ZFPM1: variants seen among roughly 807,000 people sequenced by gnomAD.
ZFPM1 encodes the protein zinc finger protein, FOG family member 1.
Under a neutral mutation model 46.3 loss-of-function variants are expected in ZFPM1, and 28 were observed. The ratio of observed to expected loss-of-function variants is 0.60; its 90% CI spans 0.45 to 0.83. The LOEUF is 0.83. Ranked by LOEUF, ZFPM1 falls within the 40% of genes least tolerant of loss-of-function variation. The probability of loss-of-function intolerance (pLI) is 0.00; values close to 1 mark genes in which losing one functional copy is unlikely to be tolerated. For synonymous variants in ZFPM1, 957 were observed against 675.9 expected, an observed-to-expected ratio of 1.42 and a Z score of -6.45; for missense variants, 1,878 against 1,432.4, an observed-to-expected ratio of 1.31 and a Z score of -5.02.
At chr16:88,472,354 C>CTTT (rs761646874) in intron 1 of ZFPM1, among the ~76,000 whole-genome samples, 5 of 133,386 alleles carry the variant, frequency 3.7e-5, no homozygotes, top group Non-Finnish European at 8.1e-5. Flanking sequence ...TTTGAATTTT[C>CTTT]TTTTTTTTTT....
chr16:88,483,359 G>A (rs984113831), intron 1 of ZFPM1, among the ~76,000 whole-genome samples: 4 of 151,756 alleles, frequency 2.6e-5, no homozygotes, highest in Admixed American at 2.0e-4. Flanking sequence ...AGGTCAGCAC[G>A]GCCAGGACCC....
At chr16:88,472,182 A>G (rs1228575579) in intron 1 of ZFPM1, among the ~76,000 whole-genome samples, 3 of 152,058 alleles carry the variant, frequency 2.0e-5, no homozygotes, top group African/African-American at 7.2e-5. Context: ...CACACCCACA[A>G]GTGGCTGGAG....
At chr16:88,532,966 C>T (rs1272312762) in intron 9 of ZFPM1, 31 bp downstream of exon 9, 9 of 1,611,222 alleles carry the variant, frequency 5.6e-6, no homozygotes, top group African/African-American at 1.3e-5. Context: ...CACCCCTGCC[C>T]CTTAGGCCCC....
chr16:88,530,247 C>T (rs997495561), intron 6 of ZFPM1, among the ~76,000 whole-genome samples: 4 of 152,160 alleles, frequency 2.6e-5, no homozygotes, highest in African/African-American at 9.7e-5. Context: ...GTCCCGTCCT[C>T]CAGCAGGGTC....
At position 88,534,448 on chromosome 16, in the gene ZFPM1, G is replaced by T; in HGVS notation, c.2490G>T (p.Glu830Asp). Residue 830 changes from glutamate (E) to aspartate (D), a missense_variant, in exon 10 of 10, where the codon GAG becomes GAT. By Grantham distance (45) the Glu-to-Asp change is conservative. Coordinates refer to ENST00000319555, the MANE Select transcript of ZFPM1 (RefSeq NM_153813.3). ...TACRVSFHSLEAYLAHKKYSC... is the reference protein window; with the variant it reads ...TACRVSFHSLDAYLAHKKYSC... ...GCCGCGTGAGCTTCCACAGCCTCGAGGCCTACCTGGCGCACAAGAAGTACT... is the reference window on the plus strand; with the variant it reads ...GCCGCGTGAGCTTCCACAGCCTCGATGCCTACCTGGCGCACAAGAAGTACT... The T allele has an allele frequency of 1.3e-6, 2 of 1,496,806 alleles. No individual in the cohort carries two copies. The highest frequency in any genetic ancestry group is 1.8e-6 in the Non-Finnish European group (2 of 1,130,260). 92.7% of individuals were successfully genotyped at this position (1,496,806 alleles called of 1,614,324 possible).
At chr16:88,529,622 C>T (rs1411853347) in intron 6 of ZFPM1, among the ~76,000 whole-genome samples, 2 of 152,176 alleles carry the variant, frequency 1.3e-5, no homozygotes, top group Admixed American at 6.5e-5. Flanking sequence ...AGTCAGGGGA[C>T]AGGGGACATC....
rs1303519396 is a variant in ZFPM1 at position 88,533,952 on chromosome 16, G to A, written c.1994G>A (p.Gly665Asp). The change falls in exon 10 of 10, where the codon GGC becomes GAC. Residue 665 changes from glycine (G) to aspartate (D), a missense_variant. Transcript: ENST00000319555. ...EDGAGGRGSEGSQSPGSSVDD... is the reference protein window; with the variant it reads ...EDGAGGRGSEDSQSPGSSVDD... ...GGCGCGGGCGGCCGGGGCAGCGAGG[G>A]CAGCCAGAGCCCGGGTAGCTCCGTG... The A allele has an allele frequency of 7.8e-7, 1 of 1,288,046 alleles. No individual in the cohort carries two copies. Among genetic ancestry groups the A allele is most frequent in the Admixed American group, 2.8e-5 (1 of 36,340 alleles). The allele number at this position is 1,288,046 out of a possible 1,614,324, so 79.8% of individuals were successfully genotyped here.
At chr16:88,518,737 GT>G (rs1911539512) in intron 4 of ZFPM1, among the ~76,000 whole-genome samples, 1 of 126,122 alleles carries the variant, frequency 7.9e-6, no homozygotes, top group African/African-American at 3.3e-5. Flanking sequence ...GGCTGAGAGG[GT>G]GGATGGATGG....
At chr16:88,470,978 G>A (rs946374504) in intron 1 of ZFPM1, among the ~76,000 whole-genome samples, 2 of 152,140 alleles carry the variant, frequency 1.3e-5, no homozygotes, top group Admixed American at 6.5e-5. Flanking sequence ...CACTGACCCA[G>A]GGCCCAGCTC....
At chr16:88,531,521 G>A (rs544437305) in intron 6 of ZFPM1, among the ~76,000 whole-genome samples, 1 of 152,314 alleles carries the variant, frequency 6.6e-6, no homozygotes, top group African/African-American at 2.4e-5. Flanking sequence ...GCAGTCAGCA[G>A]CCATCGTGTG....
At chr16:88,465,689 C>T (rs551028695) in intron 1 of ZFPM1, among the ~76,000 whole-genome samples, 1 of 152,218 alleles carries the variant, frequency 6.6e-6, no homozygotes, top group African/African-American at 2.4e-5. Flanking sequence ...TGTGTGCTCC[C>T]CGGCTTGGCT....
At chr16:88,455,622 G>A (rs1003234899) in intron 1 of ZFPM1, among the ~76,000 whole-genome samples, 1 of 151,052 alleles carries the variant, frequency 6.6e-6, no homozygotes, top group Non-Finnish European at 1.5e-5. Flanking sequence ...GCTTCGGGCC[G>A]CCCACCCCCC....
rs527656800 is a variant in ZFPM1 at position 88,536,708 on chromosome 16, C to T, written c.*1729C>T. Reference sequence around the variant, plus strand: ...GGGTCTGGCCAGATGGGGCCCGTAGCCAAGGCCAATGGACAGACATGGCTT... The same window carrying T: ...GGGTCTGGCCAGATGGGGCCCGTAGTCAAGGCCAATGGACAGACATGGCTT... On this transcript the variant is annotated 3_prime_UTR_variant, in exon 10 of 10. Coordinates refer to ENST00000319555, the MANE Select transcript of ZFPM1 (RefSeq NM_153813.3). 1 of 152,316 alleles carries T rather than the reference C, an allele frequency of 6.6e-6. No homozygotes were observed. The highest frequency in any genetic ancestry group is 1.5e-5 in the Non-Finnish European group (1 of 68,090). 9.4% of individuals were successfully genotyped at this position (152,316 alleles called of 1,614,324 possible).
intron 3 of ZFPM1, among the ~76,000 whole-genome samples, chr16:88,498,745 C>A (rs1277936787): frequency 6.6e-6 from 1 of 152,242 alleles, no homozygotes; most frequent in Non-Finnish European, 1.5e-5. Flanking sequence ...GCAGTCAGCT[C>A]AGAGCCTGAG....
intron 4 of ZFPM1, chr16:88,516,149 G>A: frequency 5.0e-6 from 2 of 398,580 alleles, no homozygotes; most frequent in East Asian, 3.6e-5. Context: ...TAAGTCAATT[G>A]CCCAAATACC....
chr16:88,516,008 G>A (rs1347493730), intron 4 of ZFPM1: 2 of 397,350 alleles, frequency 5.0e-6, no homozygotes, highest in Non-Finnish European at 8.9e-6. Context: ...AAGACCGTAG[G>A]GGCTGAGATT....
At position 88,494,207 on chromosome 16, in the gene ZFPM1, G is replaced by T. The variant is rs573213645; in HGVS notation, c.268+5054G>T. 3.3e-5 allele frequency among the ~76,000 whole-genome samples: 5 copies of T among 152,254 alleles called. No individual in the cohort carries two copies. The East Asian group carries it at 9.7e-4, about 29-fold the overall frequency. ...GTGCGGGCAGGTTCTACGGGGAGAA[G>T]CCGCCATCTGCAACCTGGAACTCCC... is the stretch of plus-strand genomic sequence containing the variant. On this transcript the variant is annotated intron_variant, in intron 3 of 9. Transcript: ENST00000319555.
rs551391606 is a variant in ZFPM1, at chr16:88,464,627, G to A, written c.40+10949G>A. On this transcript the variant is annotated intron_variant, in intron 1 of 9. Transcript: ENST00000319555. ...CCCTACCCCCGCCATGGCAATGGTC[G>A]GTGGGCACCCAGGCCCTCTGGGGCC... is the stretch of plus-strand genomic sequence containing the variant. Among the ~76,000 whole-genome samples the A allele has an allele frequency of 7.9e-5, 12 of 152,374 alleles. No homozygotes were observed. The South Asian group carries it at 1.7e-3, about 21-fold the overall frequency.
intron 6 of ZFPM1, among the ~76,000 whole-genome samples, chr16:88,529,444 G>C (rs1415356093): frequency 2.6e-5 from 4 of 151,546 alleles, no homozygotes; most frequent in Admixed American, 2.0e-4. Flanking sequence ...GCAGGGCCAA[G>C]TGTGCAGCCA....
Sources: allele counts gnomAD v4.1 joint callset (sites outside exome capture counted in the v4.1 genomes callset), GRCh38; gene constraint gnomAD v4.1.1; transcripts MANE v1.5; gene names NCBI Gene and HGNC (gene_info 2026-07-23, HGNC 2026-07-21).